The following BPIFB1 variants were observed in gnomAD, a reference collection of about 807,000 sequenced individuals.
BPIFB1 encodes BPI fold containing family B member 1.
Under a neutral mutation model 55.1 loss-of-function variants are expected in BPIFB1, and 34 were observed. The observed-to-expected ratio is 0.62, with a 90% CI of 0.47 to 0.82. The LOEUF (loss-of-function observed/expected upper bound fraction) is 0.82, where lower values mean the gene tolerates loss of function less well. Among genes scored for constraint, BPIFB1 ranks in the 40% least tolerant of loss-of-function variants. BPIFB1 has a pLI of 0.00. For missense variants in BPIFB1, 532 were observed against 593.1 expected (o/e 0.90, Z 1.07); for synonymous variants, 236 against 245.3 (o/e 0.96, Z 0.35).
At chr20:33,306,512 C>T (rs1600670697) in intron 14 of BPIFB1, 1 of 312,846 alleles carries the variant, frequency 3.2e-6, no homozygotes, top group East Asian at 6.6e-5. Flanking sequence ...AGTCAGTGCC[C>T]AACACTCTAA....
Position 33,303,919 on chromosome 20 carries a change from C to A in BPIFB1, c.1141-39C>A, listed in dbSNP as rs1351757525. ...TAACCCCTAATTCCACACTCGGATCCTCTTGAGAACAATGGGGCCTGGGCT... is the reference window on the plus strand; with the variant it reads ...TAACCCCTAATTCCACACTCGGATCATCTTGAGAACAATGGGGCCTGGGCT... On this transcript the variant is annotated intron_variant, in intron 11 of 15. Coordinates refer to ENST00000253354, the MANE Select transcript of BPIFB1 (RefSeq NM_033197.3). 4 of 1,608,372 alleles carry A rather than the reference C, an allele frequency of 2.5e-6. No individual in the cohort carries two copies. The African/African-American group carries it at 5.4e-5, about 22-fold the overall frequency.
intron 1 of BPIFB1, among the ~76,000 whole-genome samples, chr20:33,283,981 A>G (rs1980184065): frequency 6.6e-6 from 1 of 152,128 alleles, no homozygotes; most frequent in Non-Finnish European, 1.5e-5. Flanking sequence ...GTGGGGCCAC[A>G]GGGGTGCCTG....
At chr20:33,295,662 G>GAGAAAGAAAGAAAGAAAGAA (rs748483377) in intron 6 of BPIFB1, among the ~76,000 whole-genome samples, 22 of 136,124 alleles carry the variant, frequency 1.6e-4, no homozygotes, top group African/African-American at 6.7e-4. Context: ...GAAAGAAAGA[G>GAGAAAGAAAGAAAGAAAGAA]AGAAAGAAAG....
intron 1 of BPIFB1, among the ~76,000 whole-genome samples, chr20:33,284,421 G>A (rs77671379): frequency 0.043 from 6,531 of 152,174 alleles, 162 homozygotes; most frequent in Non-Finnish European, 0.056. Context: ...CATTTATTAA[G>A]CACCTGGTCT....
At chr20:33,302,712 T>C in intron 10 of BPIFB1, 2 of 658,872 alleles carry the variant, frequency 3.0e-6, no homozygotes, top group Non-Finnish European at 5.1e-6. Flanking sequence ...GGGAAGGGCA[T>C]TCCAGACAGA....
chr20:33,304,173 C>T, intron 12 of BPIFB1, 148 bp downstream of exon 12: 1 of 693,772 alleles, frequency 1.4e-6, no homozygotes, highest in Non-Finnish European at 2.5e-6. Context: ...CTCCTGCTGA[C>T]AAGGACTGCA....
intron 1 of BPIFB1, among the ~76,000 whole-genome samples, chr20:33,285,320 G>A (rs912706683): frequency 3.9e-5 from 6 of 152,070 alleles, no homozygotes; most frequent in African/African-American, 1.2e-4. Flanking sequence ...TCAGCAGACG[G>A]TGAACCATAG....
At chr20:33,303,516 C>G (rs1980922451) in intron 11 of BPIFB1, among the ~76,000 whole-genome samples, 1 of 152,172 alleles carries the variant, frequency 6.6e-6, no homozygotes, top group Admixed American at 6.5e-5. Flanking sequence ...TTGGCAATCA[C>G]CGCAGGAAGA....
Position 33,299,933 on chromosome 20 carries a change from T to C in BPIFB1, c.696T>C (p.Phe232=). ...CCCTCAGCATTGACCGTCTGGAGTT[T>C]GACCTTCTGTATCCTGCCATCAAGG... The part of the protein sequence containing the change: ...PISLSIDRLE[F]DLLYPAIKGD... Residue 232 remains phenylalanine, a synonymous_variant, in exon 8 of 16, where the codon TTT becomes TTC. Coordinates refer to ENST00000253354, the MANE Select transcript of BPIFB1 (RefSeq NM_033197.3). The C allele has an allele frequency of 6.2e-7, 1 of 1,614,004 alleles. No individual in the cohort carries two copies. The highest frequency in any genetic ancestry group is 8.5e-7 in the Non-Finnish European group (1 of 1,179,906).
At position 33,295,905 on chromosome 20, in the gene BPIFB1, AGGAAGGGGAAG is replaced by A. The variant is rs554912505; in HGVS notation, c.598-1615_598-1605del. Among the ~76,000 whole-genome samples, 793 of 132,060 alleles carry A rather than the reference AGGAAGGGGAAG, an allele frequency of 6.0e-3. 10 individuals are homozygous for A. Among genetic ancestry groups the A allele is most frequent in the African/African-American group, 0.021 (748 of 35,012 alleles). The allele number at this position is 132,060 out of a possible 152,430, so 86.6% of individuals were successfully genotyped here. A position where few individuals can be genotyped will look rare whatever the true frequency, so the allele number is the denominator to read the frequency against. Reference sequence around the variant, plus strand: ...AGGGAAGGAAGGAAAGAAGGAAGGAAGGAAGGGGAAGGGAAAGGGAAGGAAGGAAGGACGGA... The same window carrying A: ...AGGGAAGGAAGGAAAGAAGGAAGGAAGGAAAGGGAAGGAAGGAAGGACGGA... On this transcript the variant is annotated intron_variant, in intron 6 of 15. Transcript: ENST00000253354.
intron 4 of BPIFB1, among the ~76,000 whole-genome samples, chr20:33,290,719 C>T (rs1980438355): frequency 6.6e-6 from 1 of 152,076 alleles, no homozygotes; most frequent in South Asian, 2.1e-4. Context: ...CGTGAGACAT[C>T]GGAGTAGGGG....
chr20:33,291,995 G>C lies in BPIFB1; in HGVS notation c.597+7G>C, dbSNP rs888638059. On this transcript the variant is annotated splice_region_variant and intron_variant, in intron 6 of 15. Transcript: ENST00000253354. The stretch of plus-strand genomic sequence containing the variant: ...CAATCTAGTGAAAAACCAGGTGAGT[G>C]GAATCAGGGCCTCTCTGGCCTGTGG... The C allele has an allele frequency of 6.2e-7, 1 of 1,613,942 alleles. No individual in the cohort carries two copies.
Position 33,303,055 on chromosome 20 carries a change from C to T in BPIFB1, c.1121C>T (p.Pro374Leu). The T allele has an allele frequency of 2.5e-6, 4 of 1,613,958 alleles. No homozygotes were observed. The highest frequency in any genetic ancestry group is 1.1e-5 in the South Asian group (1 of 91,066). ...TTTCCCTCCAGTGAAGCCCTCCGCCCTTTGTTCACCCTGGGCATCGTGAGT... is the reference window on the plus strand; with the variant it reads ...TTTCCCTCCAGTGAAGCCCTCCGCCTTTTGTTCACCCTGGGCATCGTGAGT... ...EVFPSSEALR[P>L]LFTLGIEASS... is the part of the protein sequence containing the mutation. Residue 374 changes from proline to leucine, a missense_variant, in exon 11 of 16, where the codon CCT becomes CTT. Physicochemically the swap from Pro to Leu is moderately conservative, Grantham distance 98 (BLOSUM62 -3). Coordinates refer to ENST00000253354, the MANE Select transcript of BPIFB1 (RefSeq NM_033197.3).
chr20:33,308,305 A>C (rs1320100388), intron 15 of BPIFB1, among the ~76,000 whole-genome samples: 1 of 152,194 alleles, frequency 6.6e-6, no homozygotes, highest in Non-Finnish European at 1.5e-5. Context: ...ACACAGATCT[A>C]AACCATATCA....
At position 33,309,619 on chromosome 20, in the gene BPIFB1, C is replaced by A; in HGVS notation, c.1396-89C>A. The A allele has an allele frequency of 7.9e-7, 1 of 1,265,898 alleles. No homozygotes were observed. Among genetic ancestry groups the A allele is most frequent in the Non-Finnish European group, 1.2e-6 (1 of 866,954 alleles). The allele number at this position is 1,265,898 out of a possible 1,614,324, so 78.4% of individuals were successfully genotyped here. On this transcript the variant is annotated intron_variant, in intron 15 of 15. Transcript: ENST00000253354. This position sits in a 1 kb window ranked among gnomAD's most constrained non-coding sequence, Gnocchi z 4.4. ...CAGGGTCATGGTCCCCCGGTGCCAG[C>A]AGTCACCTTATGGAGGACAAAACCA...
intron 7 of BPIFB1, chr20:33,299,275 A>T: frequency 2.4e-6 from 1 of 424,652 alleles, no homozygotes; most frequent in Non-Finnish European, 4.9e-6. Context: ...CCTCGGCCAT[A>T]CACCGGGGCA....
chr20:33,302,825 C>T, intron 10 of BPIFB1, 91 bp from the exon 11 acceptor site: 1 of 1,465,302 alleles, frequency 6.8e-7, no homozygotes, highest in Non-Finnish European at 9.4e-7. Flanking sequence ...GCAGGGAGCC[C>T]AGGAAGGCAG....
intron 7 of BPIFB1, chr20:33,298,962 T>G: frequency 2.8e-6 from 1 of 356,644 alleles, no homozygotes; most frequent in South Asian, 2.6e-5. Context: ...GGGGACCTTA[T>G]TGACTTTAAT....
chr20:33,286,885 CT>C (rs1296227196), intron 2 of BPIFB1, among the ~76,000 whole-genome samples: 11 of 152,340 alleles, frequency 7.2e-5, no homozygotes, highest in Admixed American at 4.6e-4. Flanking sequence ...ACAAAATCAT[CT>C]CAGTGGAGAA....
Sources: gnomAD v4.1 joint callset for allele counts (sites outside exome capture counted in the v4.1 genomes callset) on GRCh38, gnomAD v4.1.1 for gene constraint, Gnocchi (gnomAD v3.1) non-coding constraint, MANE v1.5 for transcripts, NCBI Gene and HGNC (gene_info 2026-07-23, HGNC 2026-07-21) for gene names.